The following SLIT2 variants were observed in gnomAD, a reference collection of about 807,000 sequenced individuals.
The protein encoded by SLIT2 is slit homolog 2 protein.
SLIT2 carries 41 observed loss-of-function variants against 185.7 expected under a neutral mutation model. The ratio of observed to expected loss-of-function variants is 0.22; its 90% CI spans 0.17 to 0.29. The LOEUF is 0.29. SLIT2 is among the 10% of genes least tolerant of loss of function. SLIT2 has a pLI of 1.00. For missense variants in SLIT2, 1,571 were observed against 1,909.0 expected (o/e 0.82, Z 3.30); for synonymous variants, 693 against 680.2 (o/e 1.02, Z -0.29).
At chr4:20,551,084 C>T (rs1016568177) in intron 25 of SLIT2, among the ~76,000 whole-genome samples, 186 bp downstream of exon 25, 3 of 152,224 alleles carry the variant, frequency 2.0e-5, no homozygotes, top group Non-Finnish European at 2.9e-5. Context: ...ATTTTCCCTT[C>T]TGGCTCTTAT....
intron 4 of SLIT2, among the ~76,000 whole-genome samples, chr4:20,377,436 T>C (rs1553889627): frequency 6.6e-6 from 1 of 152,124 alleles, no homozygotes; most frequent in Non-Finnish European, 1.5e-5. Flanking sequence ...GTATTATCAG[T>C]ATTATAAACT....
chr4:20,356,793 T>C (rs751384680), intron 4 of SLIT2, among the ~76,000 whole-genome samples: 18 of 152,122 alleles, frequency 1.2e-4, no homozygotes, highest in Non-Finnish European at 2.4e-4. Context: ...AAACGCTCCT[T>C]CTTCAGTGCA....
chr4:20,399,161 G>C (rs1383627036), intron 4 of SLIT2, among the ~76,000 whole-genome samples: 1 of 151,590 alleles, frequency 6.6e-6, no homozygotes, highest in African/African-American at 2.4e-5. Flanking sequence ...TATATCAAAT[G>C]TTGCACTAAT....
intron 4 of SLIT2, among the ~76,000 whole-genome samples, chr4:20,290,500 TGCATTCTTAGA>T (rs957080543): frequency 1.1e-4 from 17 of 152,328 alleles, no homozygotes; most frequent in Admixed American, 9.8e-4. Context: ...AAGGGACTTT[TGCATTCTTAGA>T]GTTTGGAATC....
At chr4:20,425,395 A>G (rs542491540) in intron 4 of SLIT2, among the ~76,000 whole-genome samples, 1 of 152,228 alleles carries the variant, frequency 6.6e-6, no homozygotes, top group East Asian at 1.9e-4. Context: ...AAATAAAACC[A>G]TTGTCCATTT....
Position 20,617,504 on chromosome 4 carries a change from A to T in SLIT2, c.4202A>T (p.His1401Leu), listed in dbSNP as rs748838365. The part of the protein sequence containing the change: ...FSYSCKCLEG[H>L]GGVLCDEEED... ...TACAGCTGTAAGTGCTTGGAGGGCC[A>T]TGGAGGTGTCCTCTGTGATGAAGAG... The change falls in exon 36 of 37, where the codon CAT (histidine) becomes CTT (leucine). Residue 1401 changes from histidine to leucine, a missense_variant. His to Leu is a moderately conservative substitution (Grantham distance 99, BLOSUM62 -3). This residue lies in a region of SLIT2 where 223 missense variants were observed against 245.2 expected (regional missense o/e 0.91). Coordinates refer to ENST00000504154, the MANE Select transcript of SLIT2 (RefSeq NM_004787.4). 6.2e-7 allele frequency: 1 copy of T among 1,614,120 alleles called. No individual in the cohort carries two copies. The highest frequency in any genetic ancestry group is 8.5e-7 in the Non-Finnish European group (1 of 1,180,012).
At chr4:20,538,917 G>A (rs3775820) in intron 18 of SLIT2, among the ~76,000 whole-genome samples, 44,404 of 151,688 alleles carry the variant, frequency 0.29, 6,761 homozygotes, top group Middle Eastern at 0.42. Context: ...AAAATTATTC[G>A]TGTAGTCTTT....
At chr4:20,525,813 T>G (rs1042754545) in intron 15 of SLIT2, among the ~76,000 whole-genome samples, 14 of 152,158 alleles carry the variant, frequency 9.2e-5, no homozygotes, top group Admixed American at 3.3e-4. Flanking sequence ...ATGTGTGATG[T>G]GAAAGCATCA....
chr4:20,506,839 A>G (rs1395670017), intron 9 of SLIT2, among the ~76,000 whole-genome samples: 1 of 152,008 alleles, frequency 6.6e-6, no homozygotes, highest in Admixed American at 6.6e-5. Flanking sequence ...GTCCCTCTGA[A>G]TGAAGGATGC....
intron 4 of SLIT2, among the ~76,000 whole-genome samples, chr4:20,467,058 T>C (rs1453334001): frequency 6.6e-6 from 1 of 152,216 alleles, no homozygotes; most frequent in African/African-American, 2.4e-5. Context: ...TACAAACTGC[T>C]GTTTCCAGCT....
intron 11 of SLIT2, 117 bp from the exon 12 acceptor site, chr4:20,519,265 C>T: frequency 1.5e-6 from 1 of 663,328 alleles, no homozygotes; most frequent in East Asian, 2.7e-5. Flanking sequence ...TCAGCTATAA[C>T]TTTTATGATG....
Position 20,406,859 on chromosome 4 carries a change from A to G in SLIT2, c.396-60893A>G, listed in dbSNP as rs1726813883. ...ATTTGTATATCAAACAATGTACTGGATGTTCATTACGGTGGTATTGTTTAA... is the reference window on the plus strand; with the variant it reads ...ATTTGTATATCAAACAATGTACTGGGTGTTCATTACGGTGGTATTGTTTAA... On this transcript the variant is annotated intron_variant, in intron 4 of 36. Coordinates refer to ENST00000504154, the MANE Select transcript of SLIT2 (RefSeq NM_004787.4). Among the ~76,000 whole-genome samples the G allele has an allele frequency of 1.9e-5, 2 of 107,706 alleles. 1 individual carries two copies. The highest frequency in any genetic ancestry group is 4.5e-5 in the Non-Finnish European group (2 of 44,498). 70.7% of individuals were successfully genotyped at this position (107,706 alleles called of 152,430 possible).
chr4:20,550,753 A>T (rs953683217), intron 24 of SLIT2, 74 bp from the exon 25 acceptor site: 3 of 869,598 alleles, frequency 3.4e-6, no homozygotes, highest in African/African-American at 1.7e-5. Flanking sequence ...TTATAAACTA[A>T]AGTCTCGGAA....
intron 4 of SLIT2, among the ~76,000 whole-genome samples, chr4:20,333,864 A>T (rs2109208494): frequency 6.6e-6 from 1 of 152,282 alleles, no homozygotes; most frequent in East Asian, 1.9e-4. Context: ...AAGAAACTTT[A>T]TTAGGGACTA....
intron 4 of SLIT2, among the ~76,000 whole-genome samples, chr4:20,363,258 G>A (rs1356406954): frequency 6.6e-6 from 1 of 151,958 alleles, no homozygotes; most frequent in Non-Finnish European, 1.5e-5. Flanking sequence ...TACATAACAT[G>A]TACAGCAAAA....
At chr4:20,562,557 C>G (rs1010971232) in intron 26 of SLIT2, among the ~76,000 whole-genome samples, 7 of 151,786 alleles carry the variant, frequency 4.6e-5, no homozygotes, top group Admixed American at 4.0e-4. Flanking sequence ...TCCTGCTAAA[C>G]TGTAAGTTTT....
chr4:20,295,945 T>C lies in SLIT2; in HGVS notation c.395+27064T>C, dbSNP rs531601118. ...CTTTGCCACAGTGCTCTAAAGGAGA[T>C]ATTTGCACTTTATCTGTATGATGGC... On this transcript the variant is annotated intron_variant, in intron 4 of 36. Transcript: ENST00000504154. Among the ~76,000 whole-genome samples, 3 of 152,362 alleles carry C rather than the reference T, an allele frequency of 2.0e-5. No individual in the cohort carries two copies. In the South Asian group the frequency reaches 6.2e-4, roughly 32 times the overall value.
intron 4 of SLIT2, among the ~76,000 whole-genome samples, chr4:20,325,219 T>C (rs996971988): frequency 6.6e-6 from 1 of 151,908 alleles, no homozygotes; most frequent in Admixed American, 6.6e-5. Context: ...CAAACTGCTC[T>C]CAAGTTGATC....
intron 4 of SLIT2, among the ~76,000 whole-genome samples, chr4:20,306,206 A>G (rs2109119873): frequency 6.6e-6 from 1 of 152,224 alleles, no homozygotes. Flanking sequence ...ACACGGGGAG[A>G]AAGGGGACTG....
Sources: allele counts gnomAD v4.1 joint callset (sites outside exome capture counted in the v4.1 genomes callset), GRCh38; gene constraint gnomAD v4.1.1; regional missense constraint gnomAD v4.1.1; transcripts MANE v1.5; gene names NCBI Gene and HGNC (gene_info 2026-07-23, HGNC 2026-07-21).